Variants in CSMD3 observed in about 807,000 individuals in gnomAD.
The protein encoded by CSMD3 is CUB and Sushi multiple domains 3.
Under a neutral mutation model 435.2 loss-of-function variants are expected in CSMD3, and 177 were observed. The observed-to-expected ratio is 0.41, with a 90% confidence interval of 0.36 to 0.46. CSMD3 has a LOEUF of 0.46. Among genes scored for constraint, CSMD3 ranks in the 20% least tolerant of loss-of-function variants. The probability of loss-of-function intolerance (pLI) is 0.34; values close to 1 mark genes in which losing one functional copy is unlikely to be tolerated. For synonymous variants in CSMD3, 1,656 were observed against 1,520.5 expected, an observed-to-expected ratio of 1.09 and a Z score of -2.07; for missense variants, 4,265 against 4,504.6, an observed-to-expected ratio of 0.95 and a Z score of 1.52.
intron 10 of CSMD3, among the ~76,000 whole-genome samples, chr8:112,899,638 T>TATATATATACAC (rs1309592432): frequency 8.4e-6 from 1 of 118,466 alleles, no homozygotes; most frequent in African/African-American, 3.3e-5. Flanking sequence ...TATATGTATA[T>TATATATATACAC]ACATATATGT....
intron 5 of CSMD3, among the ~76,000 whole-genome samples, chr8:113,030,434 A>ATATAT (rs2087052954): frequency 6.7e-6 from 1 of 148,628 alleles, no homozygotes; most frequent in African/African-American, 2.5e-5. Context: ...AAAAAAAAAA[A>ATATAT]AAAAAAAAAA....
intron 8 of CSMD3, 95 bp downstream of exon 8, chr8:112,954,589 T>C (rs928966177): frequency 4.0e-6 from 3 of 743,364 alleles, no homozygotes; most frequent in Non-Finnish European, 7.3e-6. Flanking sequence ...ATTTGGTAAA[T>C]ACACAAATAT....
intron 1 of CSMD3, among the ~76,000 whole-genome samples, chr8:113,318,625 C>A (rs1336290240): frequency 6.6e-6 from 1 of 151,996 alleles, no homozygotes; most frequent in Non-Finnish European, 1.5e-5. Context: ...ATTGCCTATG[C>A]GTGTGTACTT....
intron 5 of CSMD3, among the ~76,000 whole-genome samples, chr8:113,072,962 A>G (rs530855947): frequency 1.3e-5 from 2 of 151,556 alleles, no homozygotes; most frequent in Non-Finnish European, 1.5e-5. Context: ...GATTCTTACA[A>G]CTCTAAGTCT....
At chr8:113,185,836 C>G (rs1421756816) in intron 3 of CSMD3, among the ~76,000 whole-genome samples, 1 of 151,882 alleles carries the variant, frequency 6.6e-6, no homozygotes, top group East Asian at 2.0e-4. Flanking sequence ...CAAGCAAAAC[C>G]CAGTCCATAA....
In CSMD3 at chr8:112,331,849, A is replaced by T. The variant is rs181422515; in HGVS notation, c.7165+3480T>A. 2.6e-4 allele frequency among the ~76,000 whole-genome samples: 40 copies of T among 152,164 alleles called. No homozygotes were observed. In the East Asian group the frequency reaches 6.4e-3, roughly 24 times the overall value. On this transcript the variant is annotated intron_variant, in intron 45 of 70. Coordinates refer to ENST00000297405, the MANE Select transcript of CSMD3 (RefSeq NM_198123.2). ...GTGTTAAGCTTATAATGAATTATAT[A>T]CTTGGTTTATTTATCAAAAATTCCA...
At chr8:112,592,031 C>A (rs1431971999) in intron 22 of CSMD3, among the ~76,000 whole-genome samples, 1 of 151,844 alleles carries the variant, frequency 6.6e-6, no homozygotes, top group Admixed American at 6.6e-5. Flanking sequence ...TAAAATGGGG[C>A]ATCTAAAAAT....
chr8:112,954,992 T>C (rs1223719846), intron 7 of CSMD3, among the ~76,000 whole-genome samples: 2 of 151,624 alleles, frequency 1.3e-5, no homozygotes, highest in Non-Finnish European at 3.0e-5. Context: ...TGCATATACA[T>C]AGTTTTTTAA....
intron 53 of CSMD3, 107 bp downstream of exon 53, chr8:112,301,686 T>G (rs1051012982): frequency 2.4e-6 from 2 of 833,572 alleles, no homozygotes; most frequent in African/African-American, 3.4e-5. Context: ...TTAACATACT[T>G]ACTGAATGAA....
At chr8:113,148,597 A>C (rs2091732760) in intron 4 of CSMD3, among the ~76,000 whole-genome samples, 1 of 151,772 alleles carries the variant, frequency 6.6e-6, no homozygotes, top group Admixed American at 6.6e-5. Context: ...ATAGTGGCTT[A>C]AAGAATGAGC....
chr8:112,263,901 G>T, intron 60 of CSMD3, 89 bp from the exon 61 acceptor site: 1 of 1,186,526 alleles, frequency 8.4e-7, no homozygotes, highest in Non-Finnish European at 1.2e-6. Flanking sequence ...AGAAGCACAT[G>T]TGCTAATTTA....
intron 65 of CSMD3, among the ~76,000 whole-genome samples, 158 bp from the exon 66 acceptor site, chr8:112,241,943 CACA>C (rs1814211848): frequency 6.6e-6 from 1 of 152,168 alleles, no homozygotes; most frequent in Admixed American, 6.6e-5. Context: ...TTCCGTTCAT[CACA>C]ACATCTCAGT....
chr8:112,818,258 G>A (rs1303759230), intron 12 of CSMD3, among the ~76,000 whole-genome samples: 1 of 151,984 alleles, frequency 6.6e-6, no homozygotes, highest in East Asian at 1.9e-4. Context: ...ATGTATCAAA[G>A]TGATATATTA....
chr8:112,746,359 G>A (rs2077425723), intron 13 of CSMD3, among the ~76,000 whole-genome samples: 2 of 152,080 alleles, frequency 1.3e-5, no homozygotes, highest in Non-Finnish European at 1.5e-5. Flanking sequence ...AGTGAGTGGT[G>A]TGTCTTTGCT....
At chr8:112,955,711 TA>T (rs2083991192) in intron 7 of CSMD3, among the ~76,000 whole-genome samples, 1 of 151,928 alleles carries the variant, frequency 6.6e-6, no homozygotes, top group Non-Finnish European at 1.5e-5. Context: ...AAACATGGTA[TA>T]TACAGGAAAT....
chr8:113,112,613 C>T (rs1242865837), intron 4 of CSMD3, among the ~76,000 whole-genome samples: 2 of 151,140 alleles, frequency 1.3e-5, no homozygotes, highest in Non-Finnish European at 1.5e-5. Context: ...AGTCATGAGA[C>T]CGAAGTCACT....
intron 6 of CSMD3, among the ~76,000 whole-genome samples, chr8:113,006,292 T>C (rs1320004971): frequency 6.6e-6 from 1 of 151,988 alleles, no homozygotes; most frequent in African/African-American, 2.4e-5. Context: ...TTATTTCAAG[T>C]TGACAGACTT....
At chr8:112,504,112 C>T in intron 29 of CSMD3, 135 bp from the exon 30 acceptor site, 2 of 564,152 alleles carry the variant, frequency 3.5e-6, no homozygotes, top group South Asian at 5.4e-5. Flanking sequence ...TCAAAATAAG[C>T]TAATATAAAA....
intron 3 of CSMD3, among the ~76,000 whole-genome samples, chr8:113,263,964 A>G (rs1333478602): frequency 6.6e-6 from 1 of 151,506 alleles, no homozygotes; most frequent in Non-Finnish European, 1.5e-5. Flanking sequence ...AATAATTGAG[A>G]CTTATTATTG....
Sources: allele counts gnomAD v4.1 joint callset (sites outside exome capture counted in the v4.1 genomes callset), GRCh38; gene constraint gnomAD v4.1.1; transcripts MANE v1.5; gene names NCBI Gene and HGNC (gene_info 2026-07-23, HGNC 2026-07-21).